MSRA: variants seen among roughly 807,000 people sequenced by gnomAD.
MSRA encodes methionine sulfoxide reductase A, also known as mitochondrial peptide methionine sulfoxide reductase.
A neutral mutation model predicts 31.3 loss-of-function variants in MSRA; 54 were observed. The ratio of observed to expected loss-of-function variants is 1.73; its 90% CI spans 1.39 to 2.17. The LOEUF (loss-of-function observed/expected upper bound fraction) is 2.17, where lower values mean the gene tolerates loss of function less well. Ranked by LOEUF, MSRA falls within the 30% of genes most tolerant of loss-of-function variation. MSRA has a pLI of 0.00. For missense variants in MSRA, 507 were observed against 300.9 expected (o/e 1.69, Z -5.07); for synonymous variants, 169 against 116.5 (o/e 1.45, Z -2.90).
intron 5 of MSRA, among the ~76,000 whole-genome samples, chr8:10,407,265 C>T (rs1807877324): frequency 6.6e-6 from 1 of 152,286 alleles, no homozygotes; most frequent in Non-Finnish European, 1.5e-5. Context: ...GAAACGCCCA[C>T]GTTCTCACCA....
chr8:10,089,375 T>C (rs1381454216), intron 1 of MSRA, among the ~76,000 whole-genome samples: 2 of 152,236 alleles, frequency 1.3e-5, no homozygotes, highest in African/African-American at 4.8e-5. Flanking sequence ...ACCTCCTCTT[T>C]GAGCTTGAAT....
intron 1 of MSRA, among the ~76,000 whole-genome samples, chr8:10,202,807 C>G (rs937254058): frequency 6.6e-6 from 1 of 151,956 alleles, no homozygotes; most frequent in East Asian, 1.9e-4. Context: ...CTCAAAACAC[C>G]CCATGAAGTA....
chr8:10,391,547 A>T (rs1213946802), intron 5 of MSRA, among the ~76,000 whole-genome samples: 2 of 152,252 alleles, frequency 1.3e-5, no homozygotes, highest in Non-Finnish European at 2.9e-5. Context: ...GCATTTTACT[A>T]CTGATGAACC....
At chr8:10,258,035 A>G (rs965775958) in intron 3 of MSRA, among the ~76,000 whole-genome samples, 3 of 152,192 alleles carry the variant, frequency 2.0e-5, no homozygotes, top group Non-Finnish European at 4.4e-5. Flanking sequence ...GCATGGCATA[A>G]TTCTAAATTC....
In MSRA at chr8:10,339,383, G is replaced by A. The variant is rs1243806138; in HGVS notation, c.543+19394G>A. Reference sequence around the variant, plus strand: ...ATGAGTTTCCAAAACTTATGATTCAGGTCCACATTGGCTGCTTTTGAATTG... The same window carrying A: ...ATGAGTTTCCAAAACTTATGATTCAAGTCCACATTGGCTGCTTTTGAATTG... On this transcript the variant is annotated intron_variant, in intron 5 of 5. Transcript: ENST00000317173. 3.3e-5 allele frequency among the ~76,000 whole-genome samples: 5 copies of A among 152,154 alleles called. No homozygotes were observed. The East Asian group carries it at 9.6e-4, about 29-fold the overall frequency.
At chr8:10,071,762 A>G (rs531245274) in intron 1 of MSRA, among the ~76,000 whole-genome samples, 1 of 152,310 alleles carries the variant, frequency 6.6e-6, no homozygotes, top group African/African-American at 2.4e-5. Context: ...TTCAGTTCCA[A>G]GGGAAGGCTG....
intron 1 of MSRA, among the ~76,000 whole-genome samples, chr8:10,114,187 C>T (rs961448583): frequency 6.6e-6 from 1 of 152,136 alleles, no homozygotes; most frequent in African/African-American, 2.4e-5. Flanking sequence ...TATTGACATA[C>T]CATATTTTGA....
At position 10,334,095 on chromosome 8, in the gene MSRA, C is replaced by G. The variant is rs534454121; in HGVS notation, c.543+14106C>G. Among the ~76,000 whole-genome samples, 460 of 151,596 alleles carry G rather than the reference C, an allele frequency of 3.0e-3. 3 individuals carry two copies. Among genetic ancestry groups the G allele is most frequent in the Middle Eastern group, 0.01 (3 of 294 alleles). On this transcript the variant is annotated intron_variant, in intron 5 of 5. Transcript: ENST00000317173. ...GGCTGCAAGCAGGGAGGAAAAAAGG[C>G]CCCAGCGCCTACTGCCTGCTTTCCT...
intron 1 of MSRA, among the ~76,000 whole-genome samples, chr8:10,135,972 G>T (rs1374802199): frequency 6.6e-6 from 1 of 152,174 alleles, no homozygotes; most frequent in African/African-American, 2.4e-5. Flanking sequence ...GTTGCACTGT[G>T]GTTGTTTAAT....
intron 2 of MSRA, among the ~76,000 whole-genome samples, chr8:10,237,037 T>G (rs1181916506): frequency 6.6e-6 from 1 of 152,246 alleles, no homozygotes; most frequent in Non-Finnish European, 1.5e-5. Context: ...TGCGGGATTT[T>G]ATTTATAAGG....
At chr8:10,289,716 C>G (rs566953566) in intron 3 of MSRA, among the ~76,000 whole-genome samples, 2 of 152,304 alleles carry the variant, frequency 1.3e-5, no homozygotes, top group South Asian at 4.1e-4. Flanking sequence ...TAGGGCCTCT[C>G]TAGTTGTCTT....
At chr8:10,181,633 G>A (rs751776016) in intron 1 of MSRA, among the ~76,000 whole-genome samples, 2 of 152,180 alleles carry the variant, frequency 1.3e-5, no homozygotes, top group Non-Finnish European at 2.9e-5. Context: ...GAACAGATGG[G>A]TGGAGAGGAG....
intron 1 of MSRA, among the ~76,000 whole-genome samples, chr8:10,185,360 C>A (rs1359487081): frequency 6.6e-6 from 1 of 152,122 alleles, no homozygotes; most frequent in Non-Finnish European, 1.5e-5. Context: ...TAGGGTTTCC[C>A]CCAAAGATTT....
intron 3 of MSRA, among the ~76,000 whole-genome samples, chr8:10,263,120 A>T (rs917981532): frequency 6.6e-6 from 1 of 152,230 alleles, no homozygotes; most frequent in Non-Finnish European, 1.5e-5. Context: ...TAGAAAAATT[A>T]TCATATTTTC....
At chr8:10,419,166 A>G (rs962249261) in intron 5 of MSRA, among the ~76,000 whole-genome samples, 19 of 152,082 alleles carry the variant, frequency 1.2e-4, no homozygotes, top group South Asian at 1.2e-3. Flanking sequence ...TAGAATTCCT[A>G]TACAAGGTTC....
intron 2 of MSRA, among the ~76,000 whole-genome samples, chr8:10,220,819 T>G (rs532268675): frequency 3.9e-5 from 6 of 152,318 alleles, no homozygotes; most frequent in Admixed American, 2.6e-4. Flanking sequence ...GCACTCACAT[T>G]GGGAAGCATG....
chr8:10,069,476 A>G (rs745703720), intron 1 of MSRA, among the ~76,000 whole-genome samples: 12 of 152,216 alleles, frequency 7.9e-5, no homozygotes, highest in Non-Finnish European at 1.5e-4. Flanking sequence ...AAAGAAACGT[A>G]TTTTCTCACA....
chr8:10,150,922 C>T (rs1029760439), intron 1 of MSRA, among the ~76,000 whole-genome samples: 5 of 151,948 alleles, frequency 3.3e-5, no homozygotes, highest in Admixed American at 6.6e-5. Flanking sequence ...TAAGGTGTGG[C>T]GTGGACAGAC....
At chr8:10,059,185 G>T (rs2128911203) in intron 1 of MSRA, 1 of 152,114 alleles carries the variant, frequency 6.6e-6, no homozygotes, top group East Asian at 1.9e-4. Context: ...AAAAAAGGTT[G>T]GATCTCTACA....
Sources: allele counts gnomAD v4.1 joint callset (sites outside exome capture counted in the v4.1 genomes callset), GRCh38; gene constraint gnomAD v4.1.1; transcripts MANE v1.5; gene names NCBI Gene and HGNC (gene_info 2026-07-23, HGNC 2026-07-21).